LPP: variants seen among roughly 807,000 people sequenced by gnomAD.
LPP encodes lipoma-preferred partner.
A neutral mutation model predicts 60.4 loss-of-function variants in LPP; 38 were observed. That is an observed-to-expected ratio of 0.63 (90% CI 0.49 to 0.83). The LOEUF (loss-of-function observed/expected upper bound fraction) is 0.83, where lower values mean the gene tolerates loss of function less well. Among genes scored for constraint, LPP ranks in the 40% least tolerant of loss-of-function variants. LPP has a pLI of 0.00. For missense variants in LPP, 902 were observed against 783.6 expected (o/e 1.15, Z -1.80); for synonymous variants, 328 against 290.8 (o/e 1.13, Z -1.30).
At chr3:188,848,738 C>T (rs536822313) in intron 9 of LPP, among the ~76,000 whole-genome samples, 185 of 152,212 alleles carry the variant, frequency 1.2e-3, no homozygotes, top group South Asian at 7.7e-3. Context: ...GAGGCCGAGG[C>T]GGATGGATCA....
chr3:188,760,777 TC>T (rs1012025371), intron 9 of LPP, among the ~76,000 whole-genome samples: 3 of 152,082 alleles, frequency 2.0e-5, no homozygotes, highest in Non-Finnish European at 4.4e-5. Context: ...AAATGTTTCT[TC>T]CCCCTCTTAT....
intron 3 of LPP, among the ~76,000 whole-genome samples, chr3:188,401,119 G>A (rs952250315): frequency 6.6e-6 from 1 of 152,006 alleles, no homozygotes; most frequent in Non-Finnish European, 1.5e-5. Context: ...GGGGCCACAG[G>A]GACTCTATGT....
intron 6 of LPP, among the ~76,000 whole-genome samples, chr3:188,577,849 C>CTT (rs141231679): frequency 0.28 from 37,158 of 133,358 alleles, 5,260 homozygotes; most frequent in Middle Eastern, 0.33. Flanking sequence ...CTTGCCCTTT[C>CTT]TCTCTCTCTC....
rs576862113 is a variant in LPP, at chr3:188,579,932, T to C, written c.430-29229T>C. On this transcript the variant is annotated intron_variant, in intron 6 of 11. Transcript: ENST00000617246. ...TTGCTTGAGCCCAGGAGGTAGGAGGTCAAGGCTACAGTGAGCCATGACTGT... is the reference window on the plus strand; with the variant it reads ...TTGCTTGAGCCCAGGAGGTAGGAGGCCAAGGCTACAGTGAGCCATGACTGT... 2.7e-4 allele frequency among the ~76,000 whole-genome samples: 41 copies of C among 151,464 alleles called. No individual in the cohort carries two copies. In the South Asian group the frequency reaches 6.7e-3, roughly 25 times the overall value.
In LPP at chr3:188,747,626, A is replaced by G. The variant is rs150201477; in HGVS notation, c.1241-12487A>G. Among the ~76,000 whole-genome samples the G allele has an allele frequency of 1.1e-3, 173 of 152,296 alleles. 2 individuals carry two copies. The highest frequency in any genetic ancestry group is 3.9e-3 in the African/African-American group (164 of 41,560). Reference sequence around the variant, plus strand: ...TGCAAGCTTCTATGGAGAGAGAGAGAGGAATTTTTCCAGGAGCATAGTCCC... The same window carrying G: ...TGCAAGCTTCTATGGAGAGAGAGAGGGGAATTTTTCCAGGAGCATAGTCCC... On this transcript the variant is annotated intron_variant, in intron 8 of 11. Coordinates refer to ENST00000617246, the MANE Select transcript of LPP (RefSeq NM_001375462.1).
At chr3:188,555,013 T>C (rs1236044252) in intron 6 of LPP, among the ~76,000 whole-genome samples, 1 of 152,090 alleles carries the variant, frequency 6.6e-6, no homozygotes, top group Non-Finnish European at 1.5e-5. Context: ...CCATAGTTGC[T>C]ATTCTGCACA....
At chr3:188,726,656 A>G (rs1718506633) in intron 8 of LPP, among the ~76,000 whole-genome samples, 1 of 152,194 alleles carries the variant, frequency 6.6e-6, no homozygotes, top group Non-Finnish European at 1.5e-5. Context: ...TGTGACCGCT[A>G]TAATTGTGAG....
intron 9 of LPP, among the ~76,000 whole-genome samples, chr3:188,826,731 A>G (rs1234842449): frequency 6.6e-6 from 1 of 151,930 alleles, no homozygotes; most frequent in African/African-American, 2.4e-5. Flanking sequence ...TCAAAAACAT[A>G]TTGCCCTAAT....
intron 8 of LPP, among the ~76,000 whole-genome samples, chr3:188,753,477 A>ACTCAGC (rs1475803645): frequency 3.6e-4 from 55 of 151,544 alleles, no homozygotes; most frequent in African/African-American, 1.3e-3. Context: ...CCAGGAGATC[A>ACTCAGC]CTCAGCCTTC....
intron 3 of LPP, among the ~76,000 whole-genome samples, chr3:188,373,468 C>G (rs1190548975): frequency 1.3e-5 from 2 of 152,180 alleles, no homozygotes; most frequent in African/African-American, 4.8e-5. Flanking sequence ...TGATGATGAG[C>G]CTTTTTTCAT....
At chr3:188,656,716 C>A (rs1320056292) in intron 7 of LPP, among the ~76,000 whole-genome samples, 1 of 152,188 alleles carries the variant, frequency 6.6e-6, no homozygotes, top group Non-Finnish European at 1.5e-5. Flanking sequence ...GTAAGCACAT[C>A]ACACTCATTT....
At chr3:188,810,189 T>G (rs1417160001) in intron 9 of LPP, among the ~76,000 whole-genome samples, 2 of 152,190 alleles carry the variant, frequency 1.3e-5, no homozygotes, top group Non-Finnish European at 2.9e-5. Flanking sequence ...AACTGGTTAA[T>G]AACTGTAGTT....
intron 9 of LPP, among the ~76,000 whole-genome samples, chr3:188,862,735 AT>A (rs1408408035): frequency 0.014 from 1,987 of 139,600 alleles, 101 homozygotes; most frequent in African/African-American, 0.03. Flanking sequence ...AAATAAATAA[AT>A]AAAAGAAAAA....
At chr3:188,248,700 C>T (rs774045743) in intron 2 of LPP, among the ~76,000 whole-genome samples, 44 of 151,460 alleles carry the variant, frequency 2.9e-4, no homozygotes, top group Non-Finnish European at 5.2e-4. Context: ...TTAATTTTTC[C>T]TTCTGCTGGG....
intron 2 of LPP, chr3:188,240,070 C>A (rs919905983): frequency 5.1e-6 from 1 of 197,462 alleles, no homozygotes; most frequent in Admixed American, 6.0e-5. Context: ...TCTGGTATTG[C>A]TGTCCTGTAG....
intron 6 of LPP, among the ~76,000 whole-genome samples, chr3:188,538,200 A>G (rs1412050171): frequency 6.6e-6 from 1 of 152,222 alleles, no homozygotes; most frequent in Non-Finnish European, 1.5e-5. Context: ...TGAAGAAAAA[A>G]TAGATGAGTT....
intron 1 of LPP, chr3:188,179,276 G>A (rs1302410801): frequency 2.4e-5 from 11 of 458,106 alleles, no homozygotes; most frequent in South Asian, 3.1e-5. Flanking sequence ...TCTTCGCAGC[G>A]GAGCTTCTTT....
chr3:188,517,773 C>T (rs941570992), intron 5 of LPP, among the ~76,000 whole-genome samples: 2 of 152,016 alleles, frequency 1.3e-5, no homozygotes, highest in Non-Finnish European at 2.9e-5. Flanking sequence ...AGGAAACTGC[C>T]CCCAAGATTC....
chr3:188,884,136 A>G lies in LPP; in HGVS notation c.*9657A>G, dbSNP rs1020134535. 3.1e-5 allele frequency: 7 copies of G among 225,472 alleles called. No individual in the cohort carries two copies. The Admixed American group carries it at 4.0e-4, about 13-fold the overall frequency. 14.0% of individuals were successfully genotyped at this position (225,472 alleles called of 1,614,324 possible). A position where few individuals can be genotyped will look rare whatever the true frequency, so the allele number is the denominator to read the frequency against. On this transcript the variant is annotated 3_prime_UTR_variant, in exon 12 of 12. Transcript: ENST00000617246. ...AAGAGAGCTTACAAACTGCTTCCAC[A>G]CAGAAAATAGCGCAGGGAGGACAGT... is the stretch of plus-strand genomic sequence containing the variant.
Sources: allele counts gnomAD v4.1 joint callset (sites outside exome capture counted in the v4.1 genomes callset), GRCh38; gene constraint gnomAD v4.1.1; transcripts MANE v1.5; gene names NCBI Gene and HGNC (gene_info 2026-07-23, HGNC 2026-07-21).